ERBB4: variants seen among roughly 807,000 people sequenced by gnomAD.
ERBB4 encodes the protein receptor tyrosine-protein kinase erbB-4.
ERBB4 carries 42 observed loss-of-function variants against 158.0 expected under a neutral mutation model. The observed-to-expected ratio is 0.27, with a 90% CI of 0.21 to 0.34. The LOEUF (loss-of-function observed/expected upper bound fraction) is 0.34. Ranked by LOEUF, ERBB4 falls within the 10% of genes least tolerant of loss-of-function variation. The probability of loss-of-function intolerance (pLI) is 1.00; values close to 1 mark genes in which losing one functional copy is unlikely to be tolerated. For synonymous variants in ERBB4, 583 were observed against 558.7 expected (o/e 1.04, Z -0.61); for missense variants, 1,333 against 1,624.1 (o/e 0.82, Z 3.08).
At chr2:211,494,563 T>G (rs1347271223) in intron 20 of ERBB4, among the ~76,000 whole-genome samples, 1 of 152,248 alleles carries the variant, frequency 6.6e-6, no homozygotes, top group African/African-American at 2.4e-5. Flanking sequence ...CCCGTCTTTC[T>G]TTTCTTCTTG....
intron 1 of ERBB4, among the ~76,000 whole-genome samples, chr2:212,430,992 C>A (rs1055289262): frequency 6.6e-6 from 1 of 152,076 alleles, no homozygotes; most frequent in African/African-American, 2.4e-5. Context: ...CGCGGTTGCA[C>A]TGCTTTTCCT....
intron 12 of ERBB4, among the ~76,000 whole-genome samples, chr2:211,684,978 C>T (rs1388974325): frequency 6.6e-6 from 1 of 152,180 alleles, no homozygotes; most frequent in African/African-American, 2.4e-5. Flanking sequence ...GCAAACCCTG[C>T]TGTCTCAGAA....
chr2:211,398,777 G>A (rs768991634), intron 25 of ERBB4, among the ~76,000 whole-genome samples: 4 of 152,204 alleles, frequency 2.6e-5, no homozygotes, highest in Non-Finnish European at 4.4e-5. Context: ...GTTGCAGTAA[G>A]CCGAGATTGC....
intron 1 of ERBB4, among the ~76,000 whole-genome samples, chr2:212,186,422 T>C (rs888262868): frequency 6.6e-6 from 1 of 152,198 alleles, no homozygotes; most frequent in Non-Finnish European, 1.5e-5. Flanking sequence ...AATGTGTTCA[T>C]TAAACTTGGC....
intron 1 of ERBB4, among the ~76,000 whole-genome samples, chr2:212,492,338 A>T (rs1690326759): frequency 6.6e-6 from 1 of 151,468 alleles, no homozygotes; most frequent in Non-Finnish European, 1.5e-5. Flanking sequence ...AAATTAGATT[A>T]ATTTTATTGG....
intron 19 of ERBB4, among the ~76,000 whole-genome samples, chr2:211,602,296 C>A (rs115188506): frequency 6.6e-6 from 1 of 152,090 alleles, no homozygotes; most frequent in Non-Finnish European, 1.5e-5. Flanking sequence ...TCCAGGCCTC[C>A]TTCCAGTGCA....
chr2:211,966,535 C>G (rs998848740), intron 2 of ERBB4, among the ~76,000 whole-genome samples: 2 of 152,068 alleles, frequency 1.3e-5, no homozygotes, highest in Non-Finnish European at 2.9e-5. Context: ...CCACTGCACC[C>G]GGACTTAAAT....
chr2:211,405,374 C>T (rs935038785), intron 25 of ERBB4, among the ~76,000 whole-genome samples: 3 of 152,144 alleles, frequency 2.0e-5, no homozygotes, highest in Non-Finnish European at 4.4e-5. Context: ...GGTTAAAAAT[C>T]TCATTCTTAA....
At chr2:211,844,951 C>T (rs548237010) in intron 3 of ERBB4, among the ~76,000 whole-genome samples, 113 of 152,194 alleles carry the variant, frequency 7.4e-4, no homozygotes, top group Non-Finnish European at 1.1e-3. Context: ...CTGAAGGGCA[C>T]TGCACTGAGA....
At position 211,592,367 on chromosome 2, in the gene ERBB4, C is replaced by T. The variant is rs138163427; in HGVS notation, c.2301+26810G>A. On this transcript the variant is annotated intron_variant, in intron 19 of 27. Coordinates refer to ENST00000342788, the MANE Select transcript of ERBB4 (RefSeq NM_005235.3). ...GACGGAGTCTGTCTGGCTCTCTTAG[C>T]TAAGGGAGAGTCAATTCAGGTGGAA... Among the ~76,000 whole-genome samples, 1,135 of 152,044 alleles carry T rather than the reference C, an allele frequency of 7.5e-3. 13 individuals are homozygous for T. Among genetic ancestry groups the T allele is most frequent in the African/African-American group, 0.025 (1,040 of 41,456 alleles).
chr2:212,102,123 G>C (rs144528191), intron 2 of ERBB4, among the ~76,000 whole-genome samples: 1 of 71,428 alleles, frequency 1.4e-5, no homozygotes, highest in Admixed American at 1.4e-4. Context: ...TGTCAGGTCA[G>C]ATCAACTTGT....
At chr2:212,166,749 G>C (rs958318725) in intron 1 of ERBB4, among the ~76,000 whole-genome samples, 1 of 152,004 alleles carries the variant, frequency 6.6e-6, no homozygotes, top group Non-Finnish European at 1.5e-5. Flanking sequence ...CAGACATATA[G>C]ACCAATGGAG....
At chr2:212,275,828 T>C (rs1012737715) in intron 1 of ERBB4, among the ~76,000 whole-genome samples, 5 of 151,796 alleles carry the variant, frequency 3.3e-5, no homozygotes, top group African/African-American at 9.7e-5. Flanking sequence ...TACATAACAA[T>C]ATTAACCTTA....
At chr2:212,266,000 C>T (rs867946541) in intron 1 of ERBB4, among the ~76,000 whole-genome samples, 1 of 151,930 alleles carries the variant, frequency 6.6e-6, no homozygotes, top group Non-Finnish European at 1.5e-5. Flanking sequence ...GTGCTCTCTG[C>T]TGCAAAAGCA....
chr2:212,404,573 C>G (rs1319093106), intron 1 of ERBB4, among the ~76,000 whole-genome samples: 1 of 151,994 alleles, frequency 6.6e-6, no homozygotes, highest in Non-Finnish European at 1.5e-5. Context: ...TGAGTTATGG[C>G]ATGTTAGAGG....
At chr2:211,954,172 T>C (rs2080963897) in intron 2 of ERBB4, among the ~76,000 whole-genome samples, 1 of 152,060 alleles carries the variant, frequency 6.6e-6, no homozygotes. Flanking sequence ...ATTTGATCCT[T>C]AATAGAAATG....
At chr2:212,423,375 T>C (rs1311519181) in intron 1 of ERBB4, among the ~76,000 whole-genome samples, 1 of 152,062 alleles carries the variant, frequency 6.6e-6, no homozygotes. Flanking sequence ...AAAAAAGAGG[T>C]GTCACCTTTG....
chr2:211,979,723 G>GT (rs539112969), intron 2 of ERBB4, among the ~76,000 whole-genome samples: 60 of 152,088 alleles, frequency 3.9e-4, no homozygotes, highest in Non-Finnish European at 7.5e-4. Flanking sequence ...TTAATCATTT[G>GT]TTCACCTTTT....
chr2:212,168,112 T>C (rs1042604050), intron 1 of ERBB4, among the ~76,000 whole-genome samples: 72 of 152,194 alleles, frequency 4.7e-4, no homozygotes, highest in African/African-American at 1.3e-3. Flanking sequence ...TAAATCTCTA[T>C]TGTTGGAAAA....
Sources: allele counts gnomAD v4.1 joint callset (sites outside exome capture counted in the v4.1 genomes callset), GRCh38; gene constraint gnomAD v4.1.1; transcripts MANE v1.5; gene names NCBI Gene and HGNC (gene_info 2026-07-23, HGNC 2026-07-21).